The following SGCD variants were observed in gnomAD, a reference collection of about 807,000 sequenced individuals.
The protein encoded by SGCD is delta-sarcoglycan.
A neutral mutation model predicts 36.6 loss-of-function variants in SGCD; 18 were observed. That is an observed-to-expected ratio of 0.49 (90% CI 0.34 to 0.73). The LOEUF is 0.73. Among genes scored for constraint, SGCD ranks in the 30% least tolerant of loss-of-function variants. SGCD has a pLI of 0.01. For missense variants in SGCD, 387 were observed against 346.7 expected (o/e 1.12, Z -0.92); for synonymous variants, 133 against 130.6 (o/e 1.02, Z -0.12).
intron 2 of SGCD, among the ~76,000 whole-genome samples, chr5:156,338,326 GTGACCACT>G (rs975616055): frequency 1.3e-5 from 2 of 152,208 alleles, no homozygotes; most frequent in African/African-American, 4.8e-5. Flanking sequence ...CAAACAAAAA[GTGACCACT>G]TCAACGGTAT....
chr5:156,581,031 T>C (rs991852057), intron 4 of SGCD, among the ~76,000 whole-genome samples: 56 of 152,190 alleles, frequency 3.7e-4, no homozygotes, highest in African/African-American at 1.3e-3. Flanking sequence ...CTCCTCATCT[T>C]TGTGGTTTTG....
intron 1 of SGCD, among the ~76,000 whole-genome samples, chr5:156,100,300 A>C (rs970044238): frequency 6.6e-6 from 1 of 152,100 alleles, no homozygotes; most frequent in African/African-American, 2.4e-5. Flanking sequence ...AAGCAAACAA[A>C]AAAAAAAACC....
At chr5:156,259,707 C>T (rs372382063) in intron 3 of SGCD, among the ~76,000 whole-genome samples, 5 of 152,090 alleles carry the variant, frequency 3.3e-5, no homozygotes, top group East Asian at 1.9e-4. Flanking sequence ...TCCTCAAATT[C>T]GTATGTTCAT....
intron 1 of SGCD, among the ~76,000 whole-genome samples, chr5:155,927,168 C>T (rs1338293241): frequency 1.3e-5 from 2 of 152,138 alleles, no homozygotes; most frequent in Non-Finnish European, 2.9e-5. Flanking sequence ...GTATCCATTT[C>T]TAACGGTCAT....
intron 7 of SGCD, among the ~76,000 whole-genome samples, chr5:156,709,038 G>A (rs1561868769): frequency 6.6e-6 from 1 of 152,152 alleles, no homozygotes; most frequent in Non-Finnish European, 1.5e-5. Context: ...CTGAGAGCAG[G>A]TAGGGGGAAC....
intron 6 of SGCD, 143 bp from the exon 7 acceptor site, chr5:156,647,321 G>T: frequency 1.9e-6 from 1 of 533,548 alleles, no homozygotes. Flanking sequence ...TCCTATCATG[G>T]AGCTCTAAAG....
chr5:156,029,572 G>A (rs1759298173), intron 1 of SGCD, among the ~76,000 whole-genome samples: 1 of 152,166 alleles, frequency 6.6e-6, no homozygotes, highest in Non-Finnish European at 1.5e-5. Flanking sequence ...AGGGTTGTAT[G>A]GGCATATTCG....
chr5:156,630,328 G>T (rs965922946), intron 6 of SGCD, among the ~76,000 whole-genome samples: 3 of 152,150 alleles, frequency 2.0e-5, no homozygotes, highest in Non-Finnish European at 2.9e-5. Context: ...TAAATGTTTG[G>T]ATGGATGGAT....
intron 7 of SGCD, among the ~76,000 whole-genome samples, chr5:156,744,341 G>A (rs1433756818): frequency 6.6e-6 from 1 of 152,220 alleles, no homozygotes; most frequent in Non-Finnish European, 1.5e-5. Context: ...CACAGGCACT[G>A]TTGGAGATCA....
At chr5:156,342,738 C>T (rs950272643) in intron 2 of SGCD, among the ~76,000 whole-genome samples, 12 of 152,122 alleles carry the variant, frequency 7.9e-5, no homozygotes, top group African/African-American at 2.9e-4. Flanking sequence ...GCTTTGGGAG[C>T]CTGAAGTGAA....
chr5:155,864,849 G>A, the SGCD span, among the ~76,000 whole-genome samples: 1 of 152,258 alleles, frequency 6.6e-6, no homozygotes, highest in South Asian at 2.1e-4. Flanking sequence ...AGGAAAAATA[G>A]GAACCCATCT....
At chr5:156,267,157 G>T (rs563986327) in intron 3 of SGCD, among the ~76,000 whole-genome samples, 1 of 152,280 alleles carries the variant, frequency 6.6e-6, no homozygotes, top group African/African-American at 2.4e-5. Flanking sequence ...TGCAGAACTA[G>T]TTACATAACA....
At chr5:156,146,154 A>G (rs1052844052) in intron 3 of SGCD, among the ~76,000 whole-genome samples, 1 of 152,180 alleles carries the variant, frequency 6.6e-6, no homozygotes, top group Admixed American at 6.5e-5. Flanking sequence ...TGGAGCTTGC[A>G]GTGAGCTGAG....
intron 6 of SGCD, among the ~76,000 whole-genome samples, chr5:156,621,021 A>C (rs936654917): frequency 6.6e-6 from 1 of 152,202 alleles, no homozygotes; most frequent in Non-Finnish European, 1.5e-5. Context: ...CATCAACAAG[A>C]AGCTTCTTGA....
chr5:155,866,383 G>A (rs1226635203), upstream of SGCD, among the ~76,000 whole-genome samples: 1 of 152,152 alleles, frequency 6.6e-6, no homozygotes, highest in Non-Finnish European at 1.5e-5. Flanking sequence ...CAAATGCCAA[G>A]ACAGTGACAA....
intron 4 of SGCD, among the ~76,000 whole-genome samples, chr5:156,556,120 GAAA>G (rs34927078): frequency 2.0e-4 from 27 of 134,298 alleles, no homozygotes; most frequent in African/African-American, 7.2e-4. Context: ...ATACAGATAA[GAAA>G]AAAAAAAAAA....
intron 3 of SGCD, among the ~76,000 whole-genome samples, chr5:156,495,332 T>G (rs1756135798): frequency 6.6e-6 from 1 of 152,090 alleles, no homozygotes; most frequent in Admixed American, 6.6e-5. Flanking sequence ...GAGGGCCAAA[T>G]TAATAGGTAA....
chr5:155,796,649 C>CA, the SGCD span, among the ~76,000 whole-genome samples: 1 of 151,228 alleles, frequency 6.6e-6, no homozygotes, highest in Non-Finnish European at 1.5e-5. Flanking sequence ...ATTAAAAATA[C>CA]AAAAAAATCA....
chr5:155,986,890 A>T (rs1758342897), intron 1 of SGCD, among the ~76,000 whole-genome samples: 2 of 152,188 alleles, frequency 1.3e-5, no homozygotes, highest in Non-Finnish European at 2.9e-5. Context: ...TAGGCATGGT[A>T]GCAGTGAGGA....
Sources: gnomAD v4.1 joint callset for allele counts (sites outside exome capture counted in the v4.1 genomes callset) on GRCh38, gnomAD v4.1.1 for gene constraint, MANE v1.5 for transcripts, NCBI Gene and HGNC (gene_info 2026-07-23, HGNC 2026-07-21) for gene names.